The following CSRNP3 variants were observed in gnomAD, a reference collection of about 807,000 sequenced individuals.
CSRNP3 encodes cysteine/serine-rich nuclear protein 3.
In CSRNP3, 12 loss-of-function variants were observed where a neutral mutation model predicts 48.0. The observed-to-expected ratio is 0.25, with a 90% CI of 0.16 to 0.41. The LOEUF (loss-of-function observed/expected upper bound fraction) is 0.41. Among genes scored for constraint, CSRNP3 ranks in the 10% least tolerant of loss-of-function variants. CSRNP3 has a pLI of 1.00. For synonymous variants in CSRNP3, 263 were observed against 269.7 expected, an observed-to-expected ratio of 0.98 and a Z score of 0.24; for missense variants, 580 against 724.4, an observed-to-expected ratio of 0.80 and a Z score of 2.29.
intron 2 of CSRNP3, among the ~76,000 whole-genome samples, chr2:165,503,483 A>C (rs1351987196): frequency 7.9e-5 from 12 of 151,848 alleles, no homozygotes; most frequent in Non-Finnish European, 1.6e-4. Context: ...CTCAGATGAG[A>C]GTTCTCAATT....
chr2:165,623,113 G>A (rs941535772), intron 4 of CSRNP3, among the ~76,000 whole-genome samples: 1 of 152,098 alleles, frequency 6.6e-6, no homozygotes, highest in East Asian at 1.9e-4. Flanking sequence ...ATTTTTGAAA[G>A]GATACAGTAT....
chr2:165,620,201 A>G (rs1249388122), intron 4 of CSRNP3, among the ~76,000 whole-genome samples: 2 of 152,168 alleles, frequency 1.3e-5, no homozygotes, highest in Non-Finnish European at 2.9e-5. Context: ...GCCAGAGCTT[A>G]TGTCCATATA....
At chr2:165,626,962 G>T (rs899929666) in intron 4 of CSRNP3, among the ~76,000 whole-genome samples, 1 of 151,990 alleles carries the variant, frequency 6.6e-6, no homozygotes, top group South Asian at 2.1e-4. Context: ...TGCTGGCCTC[G>T]TTTCTCATGG....
At chr2:165,494,450 A>G (rs1684259593) in intron 1 of CSRNP3, among the ~76,000 whole-genome samples, 1 of 152,132 alleles carries the variant, frequency 6.6e-6, no homozygotes, top group East Asian at 1.9e-4. Context: ...GAACAAATCA[A>G]ATAAGTGCAT....
At position 165,661,374 on chromosome 2, in the gene CSRNP3, A is replaced by G. The variant is rs75875393; in HGVS notation, c.408+3354A>G. Among the ~76,000 whole-genome samples, 57 of 152,298 alleles carry G rather than the reference A, an allele frequency of 3.7e-4. No homozygotes were observed. The East Asian group carries it at 8.9e-3, about 24-fold the overall frequency. ...CTTAGCCCACCTTAAACATGCTCAG[A>G]ACACTTACATTGGCCTACCGGAGAG... On this transcript the variant is annotated intron_variant, in intron 5 of 6. Coordinates refer to ENST00000651982, the MANE Select transcript of CSRNP3 (RefSeq NM_001172173.2).
chr2:165,563,672 C>T (rs867576309), intron 3 of CSRNP3, among the ~76,000 whole-genome samples: 3 of 152,246 alleles, frequency 2.0e-5, no homozygotes, highest in Middle Eastern at 6.8e-3. Flanking sequence ...CAAGAAAGCA[C>T]GAGTTCAGCT....
intron 4 of CSRNP3, among the ~76,000 whole-genome samples, chr2:165,620,314 G>C (rs1444824958): frequency 6.6e-6 from 1 of 152,070 alleles, no homozygotes; most frequent in Non-Finnish European, 1.5e-5. Flanking sequence ...ATATGTTTAA[G>C]TGTATATATT....
intron 5 of CSRNP3, among the ~76,000 whole-genome samples, chr2:165,667,620 C>T (rs1687257485): frequency 6.6e-6 from 1 of 152,148 alleles, no homozygotes; most frequent in South Asian, 2.1e-4. Flanking sequence ...TCGCTGTCTC[C>T]TCACCTCCCT....
At chr2:165,674,713 T>TATATATATAA (rs1491404246) in intron 5 of CSRNP3, among the ~76,000 whole-genome samples, 3 of 133,298 alleles carry the variant, frequency 2.3e-5, no homozygotes, top group African/African-American at 8.3e-5. Flanking sequence ...TATATATATA[T>TATATATATAA]AATTTGTTTA....
intron 4 of CSRNP3, among the ~76,000 whole-genome samples, chr2:165,644,936 G>A (rs2105337101): frequency 6.6e-6 from 1 of 152,260 alleles, no homozygotes; most frequent in Non-Finnish European, 1.5e-5. Context: ...AAGGGCACCA[G>A]TAGATCTGGT....
intron 3 of CSRNP3, among the ~76,000 whole-genome samples, chr2:165,527,793 A>G (rs1032169470): frequency 6.6e-6 from 1 of 152,204 alleles, no homozygotes; most frequent in African/African-American, 2.4e-5. Flanking sequence ...TATTTCATAG[A>G]TGACAGTGGA....
At chr2:165,638,188 G>A (rs893425088) in intron 4 of CSRNP3, among the ~76,000 whole-genome samples, 4 of 152,188 alleles carry the variant, frequency 2.6e-5, no homozygotes, top group African/African-American at 7.2e-5. Context: ...TAGGCTGGGA[G>A]TGGTGGCTCA....
At chr2:165,657,710 T>C (rs1687027941) in intron 4 of CSRNP3, 51 bp from the exon 5 acceptor site, 2 of 1,594,796 alleles carry the variant, frequency 1.3e-6, no homozygotes, top group South Asian at 1.1e-5. Context: ...CTTGGCCTTG[T>C]CTGAAAACTG....
At chr2:165,484,459 T>C (rs1454679101) in intron 1 of CSRNP3, among the ~76,000 whole-genome samples, 1 of 152,194 alleles carries the variant, frequency 6.6e-6, no homozygotes, top group Non-Finnish European at 1.5e-5. Flanking sequence ...TTGAGAAACT[T>C]CTGACTTCTA....
chr2:165,677,740 CTCTTGCCTATACTCTGGTCTGCATA>C (rs1387581327), intron 6 of CSRNP3, among the ~76,000 whole-genome samples: 1 of 152,110 alleles, frequency 6.6e-6, no homozygotes, highest in East Asian at 1.9e-4. Flanking sequence ...AAGTTTTTTT[CTCTTGCCTATACTCTGGTCTGCATA>C]CAGATTAATC....
At chr2:165,497,071 G>C (rs893145452) in intron 2 of CSRNP3, among the ~76,000 whole-genome samples, 1 of 152,016 alleles carries the variant, frequency 6.6e-6, no homozygotes, top group African/African-American at 2.4e-5. Flanking sequence ...CACCTGAACA[G>C]TTTCCTGGAA....
At chr2:165,487,200 G>A (rs1684132879) in intron 1 of CSRNP3, among the ~76,000 whole-genome samples, 1 of 133,174 alleles carries the variant, frequency 7.5e-6, no homozygotes, top group Non-Finnish European at 1.6e-5. Flanking sequence ...TATCAGCAAT[G>A]GAAGATGAAA....
intron 4 of CSRNP3, among the ~76,000 whole-genome samples, chr2:165,619,598 C>T (rs1178603945): frequency 6.6e-6 from 1 of 152,118 alleles, no homozygotes; most frequent in Non-Finnish European, 1.5e-5. Context: ...TACAAACACA[C>T]ACACACACAA....
chr2:165,618,767 A>G (rs950244290), intron 4 of CSRNP3, among the ~76,000 whole-genome samples: 4 of 152,216 alleles, frequency 2.6e-5, no homozygotes, highest in African/African-American at 9.6e-5. Context: ...TCTAAGGTGA[A>G]ATATGAAGAC....
Sources: gnomAD v4.1 joint callset for allele counts (sites outside exome capture counted in the v4.1 genomes callset) on GRCh38, gnomAD v4.1.1 for gene constraint, MANE v1.5 for transcripts, NCBI Gene and HGNC (gene_info 2026-07-23, HGNC 2026-07-21) for gene names.